The following UGT1A6 variants were observed in gnomAD, a reference collection of about 807,000 sequenced individuals.
UGT1A6 encodes UDP-glucuronosyltransferase 1A6.
Under a neutral mutation model 44.4 loss-of-function variants are expected in UGT1A6, and 32 were observed. That is an observed-to-expected ratio of 0.72 (90% CI 0.54 to 0.97). The LOEUF (loss-of-function observed/expected upper bound fraction) is 0.97, where lower values mean the gene tolerates loss of function less well. UGT1A6 is among the 50% of genes least tolerant of loss of function. The pLI is 0.00. For synonymous variants in UGT1A6, 238 were observed against 248.5 expected (o/e 0.96, Z 0.40); for missense variants, 685 against 661.9 (o/e 1.03, Z -0.38).
intron 1 of UGT1A6, among the ~76,000 whole-genome samples, chr2:233,764,385 C>T (rs1299567681): frequency 6.6e-6 from 1 of 152,140 alleles, no homozygotes; most frequent in South Asian, 2.1e-4. Flanking sequence ...AGGAGTTGGC[C>T]GTGATGACAA....
At position 233,743,803 on chromosome 2, in the gene UGT1A6, G is replaced by T. The variant is rs568702968; in HGVS notation, c.862-23231G>T. 2.2e-6 allele frequency: 3 copies of T among 1,367,298 alleles called. No homozygotes were observed. In the South Asian group the frequency reaches 3.4e-5, roughly 16 times the overall value. The allele number at this position is 1,367,298 out of a possible 1,614,324, so 84.7% of individuals were successfully genotyped here. A position where few individuals can be genotyped will look rare whatever the true frequency, so the allele number is the denominator to read the frequency against. On this transcript the variant is annotated intron_variant, in intron 1 of 4. Coordinates refer to ENST00000305139, the MANE Select transcript of UGT1A6 (RefSeq NM_001072.4). ...TGAATCTCCTCTCCGCTTCCTCCTT[G>T]TTCTCAGGGTTTTTGTCGGGGTGCC...
intron 1 of UGT1A6, among the ~76,000 whole-genome samples, chr2:233,757,244 T>G (rs1696450978): frequency 1.0e-5 from 1 of 99,552 alleles, no homozygotes; most frequent in African/African-American, 4.0e-5. Context: ...GGTGGTGAGG[T>G]GGGGTTATTC....
In UGT1A6 at chr2:233,769,791, G is replaced by A; in HGVS notation, c.1301+1352G>A. 5 of 1,267,464 alleles carry A rather than the reference G, an allele frequency of 3.9e-6. No individual in the cohort carries two copies. The South Asian group carries it at 8.7e-5, about 22-fold the overall frequency. The allele number at this position is 1,267,464 out of a possible 1,614,324, so 78.5% of individuals were successfully genotyped here. On this transcript the variant is annotated intron_variant, in intron 4 of 4. Transcript: ENST00000305139. The surrounding 1 kb of genome is among the most constrained non-coding windows in gnomAD (Gnocchi z 4.4). ...GATTGCTTGAGCCCAGAAGTTGGAG[G>A]CTGCTATGAGCCGTGATCATGCCAC...
chr2:233,730,328 C>T (rs1363766839), intron 1 of UGT1A6, among the ~76,000 whole-genome samples: 2 of 152,106 alleles, frequency 1.3e-5, no homozygotes, highest in African/African-American at 2.4e-5. Context: ...AGGGACACTA[C>T]GTTTGGAACT....
chr2:233,745,245 C>T (rs931474657), intron 1 of UGT1A6, among the ~76,000 whole-genome samples: 3 of 151,778 alleles, frequency 2.0e-5, no homozygotes, highest in African/African-American at 7.3e-5. Flanking sequence ...TTTACTGTAT[C>T]GAAACCATTA....
chr2:233,762,209 C>T (rs914722298), intron 1 of UGT1A6, among the ~76,000 whole-genome samples: 1 of 152,104 alleles, frequency 6.6e-6, no homozygotes, highest in Non-Finnish European at 1.5e-5. Flanking sequence ...ATGTATTTGG[C>T]GCCCCATAAA....
intron 2 of UGT1A6, 137 bp downstream of exon 2, chr2:233,767,302 A>C (rs951994488): frequency 6.5e-7 from 1 of 1,534,936 alleles, no homozygotes; most frequent in Non-Finnish European, 8.7e-7. Context: ...TATTAATCCA[A>C]AGGTTTTTTT....
At chr2:233,754,435 G>T (rs1695484691) in intron 1 of UGT1A6, 21 of 350,618 alleles carry the variant, frequency 6.0e-5, no homozygotes, top group South Asian at 4.7e-4. Context: ...GGCATAAAGT[G>T]TTTATAAATT....
intron 1 of UGT1A6, among the ~76,000 whole-genome samples, chr2:233,694,360 T>C (rs751407402): frequency 6.6e-6 from 1 of 152,042 alleles, no homozygotes; most frequent in Non-Finnish European, 1.5e-5. Context: ...GAGCTAAGAA[T>C]GGTTTTTGTA....
At chr2:233,743,956 G>C in intron 1 of UGT1A6, 2 of 1,338,248 alleles carry the variant, frequency 1.5e-6, no homozygotes, top group Non-Finnish European at 2.0e-6. Flanking sequence ...CTGGCACAGC[G>C]AGCGGCAAGG....
At chr2:233,740,411 T>A (rs1191187066) in intron 1 of UGT1A6, among the ~76,000 whole-genome samples, 1 of 151,958 alleles carries the variant, frequency 6.6e-6, no homozygotes. Context: ...TGGGGAAGTC[T>A]CTCTACCTGT....
chr2:233,751,523 AT>A (rs1694748821), intron 1 of UGT1A6, among the ~76,000 whole-genome samples: 1 of 152,210 alleles, frequency 6.6e-6, no homozygotes, highest in Admixed American at 6.5e-5. Context: ...GCAGAATGAT[AT>A]GGTTTGACTC....
rs574966930 is a variant in UGT1A6 at position 233,766,325 on chromosome 2, G to A, written c.862-709G>A. ...CCTCCGACTGCCTCAGCCAAACTCC[G>A]CGTTGTTCTGCTGGTCAGTGGCCTG... On this transcript the variant is annotated intron_variant, in intron 1 of 4. Coordinates refer to ENST00000305139, the MANE Select transcript of UGT1A6 (RefSeq NM_001072.4). Among the ~76,000 whole-genome samples the A allele has an allele frequency of 2.9e-4, 44 of 152,228 alleles. 1 individual carries two copies. The highest frequency in any genetic ancestry group is 4.6e-4 in the Admixed American group (7 of 15,302).
intron 1 of UGT1A6, among the ~76,000 whole-genome samples, chr2:233,751,737 T>C (rs1413280184): frequency 2.0e-5 from 3 of 152,206 alleles, no homozygotes; most frequent in Admixed American, 2.0e-4. Flanking sequence ...TCCTCTCTGT[T>C]TCTCTCTTGC....
intron 2 of UGT1A6, 67 bp from the exon 3 acceptor site, chr2:233,767,782 A>T: frequency 3.1e-6 from 5 of 1,613,494 alleles, no homozygotes; most frequent in Non-Finnish European, 4.2e-6. Context: ...TCTAGTTAGT[A>T]TAGCAGATTT....
intron 1 of UGT1A6, among the ~76,000 whole-genome samples, chr2:233,726,331 C>A (rs898548496): frequency 2.0e-5 from 3 of 152,168 alleles, no homozygotes; most frequent in Non-Finnish European, 4.4e-5. Flanking sequence ...GTTTCAGCAC[C>A]TGTGGTTTTT....
In UGT1A6 at chr2:233,693,250, T is replaced by A. The variant is rs139492272; in HGVS notation, c.246T>A (p.Tyr82Ter). The A allele has an allele frequency of 1.9e-6, 3 of 1,614,198 alleles. No homozygotes were observed. The highest frequency in any genetic ancestry group is 2.5e-6 in the Non-Finnish European group (3 of 1,180,034). The change falls in exon 1 of 5, where the codon TAT (tyrosine) becomes TAA (stop). Residue 82 changes from tyrosine (Y) to a stop codon, truncating the protein, a stop_gained. Coordinates refer to ENST00000305139, the MANE Select transcript of UGT1A6 (RefSeq NM_001072.4). LOFTEE classifies it high-confidence loss of function. ...CAAGAAAAATCTATCCAGTGCCGTA[T>A]GACCAAGAAGAGCTGAAGAACCGTT... ...YYTRKIYPVP[Y>*]DQEELKNRYQ...
chr2:233,732,226 C>A (rs1208846132), intron 1 of UGT1A6, among the ~76,000 whole-genome samples: 1 of 152,142 alleles, frequency 6.6e-6, no homozygotes, highest in Non-Finnish European at 1.5e-5. Context: ...AAAATTTTCT[C>A]CCATTCTGTA....
chr2:233,759,453 T>C (rs1697142782), intron 1 of UGT1A6, among the ~76,000 whole-genome samples: 1 of 152,190 alleles, frequency 6.6e-6, no homozygotes, highest in Non-Finnish European at 1.5e-5. Context: ...CAGGCCCAGT[T>C]AGCCACTCAA....
Sources: allele counts gnomAD v4.1 joint callset (sites outside exome capture counted in the v4.1 genomes callset), GRCh38; gene constraint gnomAD v4.1.1; non-coding constraint Gnocchi (gnomAD v3.1); transcripts MANE v1.5; gene names NCBI Gene and HGNC (gene_info 2026-07-23, HGNC 2026-07-21).